The following STK32B variants were observed in gnomAD, a reference collection of about 807,000 sequenced individuals.
STK32B encodes serine/threonine-protein kinase 32B.
STK32B carries 43 observed loss-of-function variants against 52.6 expected under a neutral mutation model. The observed-to-expected ratio is 0.82, with a 90% CI of 0.64 to 1.05. The LOEUF (loss-of-function observed/expected upper bound fraction) is 1.05. Among genes scored for constraint, STK32B ranks in the 50% least tolerant of loss-of-function variants. The pLI is 0.00. For synonymous variants in STK32B, 238 were observed against 204.3 expected, an observed-to-expected ratio of 1.17 and a Z score of -1.41; for missense variants, 621 against 534.6, an observed-to-expected ratio of 1.16 and a Z score of -1.59.
intron 6 of STK32B, among the ~76,000 whole-genome samples, chr4:5,445,932 G>T (rs1418663383): frequency 1.0e-5 from 1 of 97,580 alleles, no homozygotes; most frequent in Non-Finnish European, 2.0e-5. Flanking sequence ...AAATATAGTT[G>T]TCCCTGAGAT....
chr4:5,047,709 G>T (rs1415554155), upstream of STK32B, among the ~76,000 whole-genome samples: 4 of 152,314 alleles, frequency 2.6e-5, no homozygotes, highest in East Asian at 7.7e-4. Flanking sequence ...AAATCAGGGA[G>T]CAGTGGCAGG....
intron 3 of STK32B, among the ~76,000 whole-genome samples, chr4:5,318,309 A>C (rs1731252629): frequency 6.6e-6 from 1 of 152,120 alleles, no homozygotes; most frequent in Non-Finnish European, 1.5e-5. Context: ...GCAGTGAAAG[A>C]AGGCCTGCCT....
At chr4:5,492,500 A>G (rs1719823644) in intron 11 of STK32B, among the ~76,000 whole-genome samples, 1 of 152,092 alleles carries the variant, frequency 6.6e-6, no homozygotes, top group South Asian at 2.1e-4. Context: ...TTTTCTAGAT[A>G]TACAATCATG....
intron 1 of STK32B, among the ~76,000 whole-genome samples, chr4:5,075,419 G>A (rs146986308): frequency 1.3e-3 from 194 of 152,148 alleles, no homozygotes; most frequent in African/African-American, 4.6e-3. Flanking sequence ...TTTTTTATAT[G>A]TCTTCTGTGA....
At chr4:5,427,651 T>C (rs963539302) in intron 6 of STK32B, among the ~76,000 whole-genome samples, 2 of 152,178 alleles carry the variant, frequency 1.3e-5, no homozygotes, top group African/African-American at 4.8e-5. Flanking sequence ...TCAAGGAATT[T>C]CCCTAGTTCA....
rs543334209 is a variant in STK32B at position 5,200,622 on chromosome 4, A to G, written c.260+32172A>G. On this transcript the variant is annotated intron_variant, in intron 3 of 11. Coordinates refer to ENST00000282908, the MANE Select transcript of STK32B (RefSeq NM_018401.3). Reference sequence around the variant, plus strand: ...CTCATTGCACTGTTCTGCCAAAAGCAGGTTTGAAAAACTAGGCTTAGGCTC... The same window carrying G: ...CTCATTGCACTGTTCTGCCAAAAGCGGGTTTGAAAAACTAGGCTTAGGCTC... 9.9e-5 allele frequency among the ~76,000 whole-genome samples: 15 copies of G among 152,208 alleles called. No homozygotes were observed. In the East Asian group the frequency reaches 2.9e-3, roughly 29 times the overall value.
At chr4:5,256,100 G>A (rs946296776) in intron 3 of STK32B, among the ~76,000 whole-genome samples, 8 of 152,088 alleles carry the variant, frequency 5.3e-5, no homozygotes, top group Non-Finnish European at 7.4e-5. Context: ...GAGCTGTAGG[G>A]GTGATGTTTG....
At chr4:5,129,082 T>C (rs1715590979) in intron 1 of STK32B, among the ~76,000 whole-genome samples, 1 of 152,220 alleles carries the variant, frequency 6.6e-6, no homozygotes, top group Non-Finnish European at 1.5e-5. Context: ...AATAGTCATG[T>C]CCATAAGTTA....
intron 3 of STK32B, among the ~76,000 whole-genome samples, chr4:5,293,501 A>G (rs752702620): frequency 3.9e-5 from 6 of 152,124 alleles, no homozygotes; most frequent in Non-Finnish European, 8.8e-5. Flanking sequence ...ATGAGATGGT[A>G]TCTCATTGCA....
chr4:5,300,758 A>G (rs906224372), intron 3 of STK32B, among the ~76,000 whole-genome samples: 1 of 152,180 alleles, frequency 6.6e-6, no homozygotes, highest in Non-Finnish European at 1.5e-5. Flanking sequence ...TACAAGGAGA[A>G]CTACAAAATA....
chr4:5,286,989 G>A (rs1045561870), intron 3 of STK32B, among the ~76,000 whole-genome samples: 1 of 151,826 alleles, frequency 6.6e-6, no homozygotes, highest in South Asian at 2.1e-4. Flanking sequence ...GTAGAGACAG[G>A]GTTTCACCAT....
intron 1 of STK32B, among the ~76,000 whole-genome samples, chr4:5,092,605 C>A (rs1216016352): frequency 6.6e-6 from 1 of 152,034 alleles, no homozygotes; most frequent in Non-Finnish European, 1.5e-5. Flanking sequence ...TTAATTGGCT[C>A]ACGGTTCTGC....
chr4:5,322,097 G>A (rs1042604083), intron 3 of STK32B, among the ~76,000 whole-genome samples: 1 of 152,040 alleles, frequency 6.6e-6, no homozygotes, highest in African/African-American at 2.4e-5. Context: ...ACTTTGGGAG[G>A]CCAAGGCAAG....
chr4:5,211,756 C>A (rs1722919022), intron 3 of STK32B, among the ~76,000 whole-genome samples: 1 of 152,180 alleles, frequency 6.6e-6, no homozygotes, highest in Admixed American at 6.5e-5. Flanking sequence ...AACAATCTTG[C>A]TTCACAGAGT....
intron 3 of STK32B, among the ~76,000 whole-genome samples, chr4:5,217,759 A>G (rs1473835595): frequency 6.6e-6 from 1 of 152,186 alleles, no homozygotes; most frequent in Non-Finnish European, 1.5e-5. Flanking sequence ...TCCCCAGTAG[A>G]AAGGGAGGAG....
intron 3 of STK32B, among the ~76,000 whole-genome samples, chr4:5,208,204 C>T (rs1197875632): frequency 2.6e-5 from 4 of 152,206 alleles, no homozygotes; most frequent in African/African-American, 9.6e-5. Context: ...AAAGGGAACT[C>T]AGCCCAGAAG....
intron 1 of STK32B, among the ~76,000 whole-genome samples, chr4:5,057,366 A>G (rs1742046241): frequency 6.6e-6 from 1 of 152,154 alleles, no homozygotes; most frequent in Non-Finnish European, 1.5e-5. Flanking sequence ...GCTCTTAATC[A>G]TGGTGCACAG....
intron 4 of STK32B, among the ~76,000 whole-genome samples, chr4:5,371,550 G>A (rs775232247): frequency 4.6e-5 from 7 of 152,222 alleles, no homozygotes; most frequent in Middle Eastern, 3.4e-3. Context: ...TATTTCCCTC[G>A]CGCGGTTGTT....
At position 5,500,272 on chromosome 4, in the gene STK32B, C is replaced by G. The variant is rs1047473519; in HGVS notation, c.*1189C>G. The G allele has an allele frequency of 6.6e-6, 1 of 152,168 alleles. No homozygotes were observed. Among genetic ancestry groups the G allele is most frequent in the Non-Finnish European group, 1.5e-5 (1 of 68,034 alleles). The allele number at this position is 152,168 out of a possible 1,614,324, so 9.4% of individuals were successfully genotyped here. A position where few individuals can be genotyped will look rare whatever the true frequency, so the allele number is the denominator to read the frequency against. On this transcript the variant is annotated 3_prime_UTR_variant, in exon 12 of 12. Transcript: ENST00000282908. ...CAATCGCTCTGAATGGCAGTTTCCT[C>G]ATTTTTAAACAGGGATAATAAAACT...
Sources: allele counts gnomAD v4.1 joint callset (sites outside exome capture counted in the v4.1 genomes callset), GRCh38; gene constraint gnomAD v4.1.1; transcripts MANE v1.5; gene names NCBI Gene and HGNC (gene_info 2026-07-23, HGNC 2026-07-21).